PSMA1: variants seen among roughly 807,000 people sequenced by gnomAD.
The protein encoded by PSMA1 is proteasome 20S subunit alpha 1.
In PSMA1, 3 loss-of-function variants were observed where a neutral mutation model predicts 38.4. That is an observed-to-expected ratio of 0.08 (90% CI 0.04 to 0.20). The LOEUF (loss-of-function observed/expected upper bound fraction) is 0.20. Among genes scored for constraint, PSMA1 ranks in the 10% least tolerant of loss-of-function variants. The probability of loss-of-function intolerance (pLI) is 1.00; values close to 1 mark genes in which losing one functional copy is unlikely to be tolerated. For synonymous variants in PSMA1, 101 were observed against 107.1 expected, an observed-to-expected ratio of 0.94 and a Z score of 0.35; for missense variants, 227 against 325.3, an observed-to-expected ratio of 0.70 and a Z score of 2.32.
intron 1 of PSMA1, among the ~76,000 whole-genome samples, chr11:14,627,615 A>C (rs1193592386): frequency 6.6e-6 from 1 of 152,072 alleles, no homozygotes; most frequent in Non-Finnish European, 1.5e-5. Flanking sequence ...AAATTACTTA[A>C]TCTCAATTGT....
chr11:14,525,050 C>G (rs1051880510), upstream of PSMA1, among the ~76,000 whole-genome samples: 3 of 152,036 alleles, frequency 2.0e-5, no homozygotes, highest in Admixed American at 2.0e-4. Context: ...GCTACCCACC[C>G]CTCATTACCT....
intron 9 of PSMA1, chr11:14,507,452 C>A: frequency 2.1e-6 from 1 of 470,016 alleles, no homozygotes. Flanking sequence ...AGGCATGAGC[C>A]ACCGCACCCG....
rs564859344 is a variant in PSMA1, at chr11:14,505,525, ATTTCTT to A, written c.736-283_736-278del. Among the ~76,000 whole-genome samples the A allele has an allele frequency of 5.0e-3, 751 of 149,922 alleles. 6 individuals carry two copies. Among genetic ancestry groups the A allele is most frequent in the African/African-American group, 0.012 (476 of 41,140 alleles). On this transcript the variant is annotated intron_variant, in intron 9 of 9. Transcript: ENST00000396394. The stretch of plus-strand genomic sequence containing the variant: ...ACAGTGAGGGTCCACTTATATGCAG[ATTTCTT>A]TTTCTTTTTCTTTTTCTTTTTTGTT...
intron 9 of PSMA1, among the ~76,000 whole-genome samples, chr11:14,506,936 G>A (rs1020100690): frequency 3.9e-5 from 6 of 152,162 alleles, no homozygotes; most frequent in East Asian, 1.9e-4. Context: ...ACACCTAAAA[G>A]GTGTGAGTAA....
intron 2 of PSMA1, among the ~76,000 whole-genome samples, chr11:14,589,995 A>G (rs1336841398): frequency 6.6e-6 from 1 of 152,218 alleles, no homozygotes; most frequent in Non-Finnish European, 1.5e-5. Flanking sequence ...TAAACATACT[A>G]TGAAATATTA....
intron 1 of PSMA1, among the ~76,000 whole-genome samples, chr11:14,619,060 C>T (rs1223370056): frequency 2.0e-5 from 3 of 152,046 alleles, no homozygotes; most frequent in Admixed American, 6.6e-5. Flanking sequence ...AAGCACTGTG[C>T]TAGAAATTCT....
chr11:14,600,047 T>C (rs957807885), intron 2 of PSMA1, among the ~76,000 whole-genome samples: 1 of 152,304 alleles, frequency 6.6e-6, no homozygotes, highest in Non-Finnish European at 1.5e-5. Flanking sequence ...CTCCAGACCC[T>C]ATTTGCCTGG....
At chr11:14,633,206 A>G (rs1480358321) in intron 1 of PSMA1, among the ~76,000 whole-genome samples, 1 of 149,122 alleles carries the variant, frequency 6.7e-6, no homozygotes, top group Non-Finnish European at 1.5e-5. Flanking sequence ...GGAGGAGGAG[A>G]GGCGCTCTGC....
chr11:14,563,076 T>C (rs1297079567), intron 2 of PSMA1, among the ~76,000 whole-genome samples: 6 of 152,208 alleles, frequency 3.9e-5, no homozygotes, highest in Non-Finnish European at 2.9e-5. Flanking sequence ...TAGAGTTTTC[T>C]TTTTAGTTCT....
At chr11:14,520,922 T>C (rs1477314867), upstream of PSMA1, among the ~76,000 whole-genome samples, 1 of 152,236 alleles carries the variant, frequency 6.6e-6, no homozygotes, top group Non-Finnish European at 1.5e-5. Flanking sequence ...TCCCTGGAGA[T>C]GTTATCTTTC....
At position 14,539,130 on chromosome 11, in the gene PSMA1, T is replaced by C. The variant is rs963016452; in HGVS notation, c.22-20089A>G. Among the ~76,000 whole-genome samples, 15 of 152,226 alleles carry C rather than the reference T, an allele frequency of 9.9e-5. No individual in the cohort carries two copies. The East Asian group carries it at 1.5e-3, about 16-fold the overall frequency. Reference sequence around the variant, plus strand: ...AACAGAAGGTAATACACAGGCAAACTACACTTGAAGGCAACATTTCTCTCT... The same window carrying C: ...AACAGAAGGTAATACACAGGCAAACCACACTTGAAGGCAACATTTCTCTCT... On this transcript the variant is annotated intron_variant, in intron 2 of 10. Transcript: ENST00000418988.
chr11:14,540,797 T>C (rs1010444358), intron 2 of PSMA1, among the ~76,000 whole-genome samples: 2 of 152,204 alleles, frequency 1.3e-5, no homozygotes, highest in African/African-American at 4.8e-5. Context: ...ACTTCCCCTG[T>C]CATTTTGGGA....
At chr11:14,536,904 C>T (rs1264954815) in intron 2 of PSMA1, among the ~76,000 whole-genome samples, 5 of 152,204 alleles carry the variant, frequency 3.3e-5, no homozygotes, top group African/African-American at 1.2e-4. Flanking sequence ...CGTGAGCCAC[C>T]GCGCCCTGCC....
chr11:14,588,129 G>A (rs1852370475), intron 2 of PSMA1, among the ~76,000 whole-genome samples: 1 of 152,206 alleles, frequency 6.6e-6, no homozygotes, highest in Non-Finnish European at 1.5e-5. Context: ...TGAGGTACAA[G>A]TGACACCAAC....
At chr11:14,604,818 G>C (rs1385886568) in intron 2 of PSMA1, among the ~76,000 whole-genome samples, 1 of 152,120 alleles carries the variant, frequency 6.6e-6, no homozygotes, top group Non-Finnish European at 1.5e-5. Flanking sequence ...TGTGGTAATT[G>C]GTTTTCTCTT....
chr11:14,618,343 T>G (rs1852801375), intron 1 of PSMA1, among the ~76,000 whole-genome samples: 1 of 152,216 alleles, frequency 6.6e-6, no homozygotes, highest in Non-Finnish European at 1.5e-5. Context: ...TGAACCACAG[T>G]AGCCTGTCAA....
chr11:14,630,381 T>C (rs1244743516), intron 1 of PSMA1, among the ~76,000 whole-genome samples: 1 of 152,254 alleles, frequency 6.6e-6, no homozygotes, highest in Non-Finnish European at 1.5e-5. Context: ...TGAAGGGTTG[T>C]TGAATTTTGT....
chr11:14,565,081 T>C (rs73424221), intron 2 of PSMA1, among the ~76,000 whole-genome samples: 20,170 of 152,208 alleles, frequency 0.13, 1,559 homozygotes, highest in African/African-American at 0.21. Flanking sequence ...ACCCAGCCTA[T>C]AGGGCTCTTC....
chr11:14,558,643 A>T (rs1589992252), intron 2 of PSMA1, among the ~76,000 whole-genome samples: 1 of 152,220 alleles, frequency 6.6e-6, no homozygotes, highest in Non-Finnish European at 1.5e-5. Flanking sequence ...ATGTGTGTCC[A>T]GGCTTTAGGA....
Sources: allele counts gnomAD v4.1 joint callset (sites outside exome capture counted in the v4.1 genomes callset), GRCh38; gene constraint gnomAD v4.1.1; transcripts MANE v1.5; gene names NCBI Gene and HGNC (gene_info 2026-07-23, HGNC 2026-07-21).